The following HMGCS2 variants were observed in gnomAD, a reference collection of about 807,000 sequenced individuals.
HMGCS2 encodes the protein 3-hydroxy-3-methylglutaryl-CoA synthase 2.
HMGCS2 carries 50 observed loss-of-function variants against 57.4 expected under a neutral mutation model. The observed-to-expected ratio is 0.87, with a 90% CI of 0.69 to 1.10. HMGCS2 has a LOEUF of 1.10. HMGCS2 is among the 50% of genes least tolerant of loss of function. HMGCS2 has a pLI of 0.00. For synonymous variants in HMGCS2, 254 were observed against 245.1 expected, an observed-to-expected ratio of 1.04 and a Z score of -0.34; for missense variants, 627 against 636.5, an observed-to-expected ratio of 0.99 and a Z score of 0.16.
At chr1:119,760,804 G>A (rs1169626844) in intron 2 of HMGCS2, among the ~76,000 whole-genome samples, 1 of 152,092 alleles carries the variant, frequency 6.6e-6, no homozygotes, top group Non-Finnish European at 1.5e-5. Context: ...GCACTGCTTT[G>A]GGAGCCACAT....
At chr1:119,764,984 AGTCCT>A (rs1466644718) in intron 1 of HMGCS2, among the ~76,000 whole-genome samples, 15 of 152,304 alleles carry the variant, frequency 9.8e-5, no homozygotes, top group African/African-American at 3.6e-4. Flanking sequence ...TATATATTTT[AGTCCT>A]TTAAAAAAAT....
chr1:119,761,530 C>G (rs1156564079), intron 2 of HMGCS2, among the ~76,000 whole-genome samples: 1 of 152,096 alleles, frequency 6.6e-6, no homozygotes, highest in Non-Finnish European at 1.5e-5. Context: ...ATTGGGGAGG[C>G]CGAGGCAGGA....
Position 119,759,919 on chromosome 1 carries a change from C to T in HMGCS2, c.630G>A (p.Gly210=). The T allele has an allele frequency of 6.2e-7, 1 of 1,614,190 alleles. No homozygotes were observed. Among genetic ancestry groups the T allele is most frequent in the Non-Finnish European group, 8.5e-7 (1 of 1,180,024 alleles). The change falls in exon 3 of 10, where the codon GGG becomes GGA. Residue 210 remains glycine (G), a synonymous_variant. Transcript: ENST00000369406. ...YPSGNARPTG[G]AGAVAMLIGP... ...CAATCAGCATAGCCACAGCTCCGGC[C>T]CCACCTGTGGGACGAGCATTACCAC...
intron 1 of HMGCS2, among the ~76,000 whole-genome samples, chr1:119,765,194 C>T (rs923199622): frequency 2.2e-4 from 33 of 152,166 alleles, no homozygotes; most frequent in South Asian, 4.1e-4. Context: ...CTGCAAGCTC[C>T]GCCTCCTGGG....
Position 119,750,833 on chromosome 1 carries a change from T to C in HMGCS2, c.1496A>G (p.His499Arg), listed in dbSNP as rs778223568. Residue 499 changes from histidine to arginine, a missense_variant, in exon 9 of 10, where the codon CAT becomes CGT. Transcript: ENST00000369406. ...TWYLERVDEQ[H>R]RRKYARRPV ...GGGACGCCGGGCATACTTTCGGCGA[T>C]GCTGCTCGTCCACTCGCTCCAGGTA... The C allele has an allele frequency of 6.2e-7, 1 of 1,614,016 alleles. No individual in the cohort carries two copies.
intron 7 of HMGCS2, 35 bp from the exon 8 acceptor site, chr1:119,752,709 C>CA (rs1328641363): frequency 6.2e-7 from 1 of 1,612,824 alleles, no homozygotes; most frequent in Non-Finnish European, 8.5e-7. Context: ...ACACCTTTTT[C>CA]ATTGTCATTA....
At chr1:119,765,713 ATCTT>A (rs1242334361) in intron 1 of HMGCS2, among the ~76,000 whole-genome samples, 1 of 152,196 alleles carries the variant, frequency 6.6e-6, no homozygotes, top group African/African-American at 2.4e-5. Context: ...TAATTATACA[ATCTT>A]TACTCATTTT....
intron 2 of HMGCS2, among the ~76,000 whole-genome samples, chr1:119,761,249 CT>C (rs1287995133): frequency 6.7e-6 from 1 of 148,270 alleles, no homozygotes; most frequent in African/African-American, 2.5e-5. Context: ...GAAAACAATA[CT>C]TTTTTCTACC....
intron 9 of HMGCS2, 45 bp downstream of exon 9, chr1:119,750,752 A>C: frequency 9.1e-6 from 11 of 1,214,626 alleles, no homozygotes; most frequent in Non-Finnish European, 1.2e-5. Context: ...ACTCAGAGGA[A>C]GACATTAGGG....
At position 119,755,495 on chromosome 1, in the gene HMGCS2, G is replaced by A. The variant is rs769310958; in HGVS notation, c.1119C>T (p.Tyr373=). The change falls in exon 6 of 10, where the codon TAC becomes TAT. Residue 373 remains tyrosine (Y), a synonymous_variant. Coordinates refer to ENST00000369406, the MANE Select transcript of HMGCS2 (RefSeq NM_005518.4). The stretch of plus-strand genomic sequence containing the variant: ...ACATGTTCCCATTGTGAGTGGAGAG[G>A]TAAAGGGAAGCCTTGGTTTTCTTGT... ...MFDKKTKASL[Y]LSTHNGNMYT... is the part of the protein sequence containing the mutation. 1.7e-5 allele frequency: 28 copies of A among 1,614,020 alleles called. No individual in the cohort carries two copies. Among genetic ancestry groups the A allele is most frequent in the Non-Finnish European group, 1.9e-5 (23 of 1,180,016 alleles).
chr1:119,761,102 C>G (rs1385221175), intron 2 of HMGCS2, among the ~76,000 whole-genome samples: 1 of 147,116 alleles, frequency 6.8e-6, no homozygotes, highest in East Asian at 2.0e-4. Context: ...TATAAATATA[C>G]AAATAATTTA....
intron 5 of HMGCS2, 113 bp from the exon 6 acceptor site, chr1:119,755,710 A>G: frequency 1.1e-6 from 1 of 934,046 alleles, no homozygotes; most frequent in South Asian, 1.3e-5. Flanking sequence ...TTTTCCTACA[A>G]TATTTGGAAA....
intron 5 of HMGCS2, 39 bp downstream of exon 5, chr1:119,757,234 A>G (rs758556393): frequency 1.9e-6 from 3 of 1,613,542 alleles, no homozygotes; most frequent in Non-Finnish European, 2.5e-6. Context: ...TCTTGCTCAC[A>G]CCTCACCAGC....
chr1:119,749,643 T>C (rs2101242478), intron 9 of HMGCS2, among the ~76,000 whole-genome samples: 1 of 152,220 alleles, frequency 6.6e-6, no homozygotes, highest in East Asian at 1.9e-4. Flanking sequence ...GCCTAGCACC[T>C]GCCAATATCC....
intron 9 of HMGCS2, among the ~76,000 whole-genome samples, chr1:119,750,434 G>A (rs587665081): frequency 1.3e-5 from 2 of 152,128 alleles, no homozygotes; most frequent in African/African-American, 2.4e-5. Flanking sequence ...AACAAATCCA[G>A]CTCCTATTTT....
At position 119,764,398 on chromosome 1, in the gene HMGCS2, T is replaced by A; in HGVS notation, c.333A>T (p.Gln111His). ...GGAGCTGTATGCGCTCCATCAGCCG[T>A]TGCACCACCGTCAGGCACAGGGAGT... The part of the protein sequence containing the change: ...DINSLCLTVV[Q>H]RLMERIQLPW... The change falls in exon 2 of 10, where the codon CAA (glutamine) becomes CAT (histidine). Residue 111 changes from glutamine (Q) to histidine (H), a missense_variant. Physicochemically the swap from Gln to His is conservative, Grantham distance 24. Coordinates refer to ENST00000369406, the MANE Select transcript of HMGCS2 (RefSeq NM_005518.4). The A allele has an allele frequency of 6.2e-7, 1 of 1,614,244 alleles. No individual in the cohort carries two copies. The highest frequency in any genetic ancestry group is 1.1e-5 in the South Asian group (1 of 91,090).
rs780003924 is a variant in HMGCS2 at position 119,768,847 on chromosome 1, C to G, written c.-3G>C. 6.2e-7 allele frequency: 1 copy of G among 1,610,610 alleles called. No individual in the cohort carries two copies. Among genetic ancestry groups the G allele is most frequent in the South Asian group, 1.1e-5 (1 of 90,944 alleles). On this transcript the variant is annotated 5_prime_UTR_variant, in exon 1 of 10. Coordinates refer to ENST00000369406, the MANE Select transcript of HMGCS2 (RefSeq NM_005518.4). ...ACTGGAGTCAACAGACGCTGCATCT[C>G]CAGAGGAGCAAGCAGAAACCCAGCA...
chr1:119,754,613 A>G (rs587696210), intron 6 of HMGCS2, among the ~76,000 whole-genome samples: 13 of 127,520 alleles, frequency 1.0e-4, no homozygotes, highest in East Asian at 2.6e-4. Context: ...ATTGTTTTAG[A>G]TACTTAATGC....
chr1:119,768,817 G>T lies in HMGCS2; in HGVS notation c.28C>A (p.Arg10Ser), dbSNP rs373202578. ...ACCGCTCTTGTCAGTTGCAGAATGC[G>T]CTTCACTGGAGTCAACAGACGCTGC... is the stretch of plus-strand genomic sequence containing the variant. MQRLLTPVK[R>S]ILQLTRAVQE... Residue 10 changes from arginine (R) to serine (S), a missense_variant, in exon 1 of 10, where the codon CGC becomes AGC. By Grantham distance (110) the Arg-to-Ser change is moderately radical. Transcript: ENST00000369406. The T allele has an allele frequency of 1.9e-6, 3 of 1,613,956 alleles. No homozygotes were observed. The East Asian group carries it at 6.7e-5, about 36-fold the overall frequency.
Sources: gnomAD v4.1 joint callset for allele counts (sites outside exome capture counted in the v4.1 genomes callset) on GRCh38, gnomAD v4.1.1 for gene constraint, MANE v1.5 for transcripts, NCBI Gene and HGNC (gene_info 2026-07-23, HGNC 2026-07-21) for gene names.